Variants in XRCC4 observed in about 807,000 individuals in gnomAD.
XRCC4 encodes DNA repair protein XRCC4.
Under a neutral mutation model 39.1 loss-of-function variants are expected in XRCC4, and 28 were observed. That is an observed-to-expected ratio of 0.72 (90% CI 0.53 to 0.98). The LOEUF (loss-of-function observed/expected upper bound fraction) is 0.98, where lower values mean the gene tolerates loss of function less well. Ranked by LOEUF, XRCC4 falls within the 50% of genes least tolerant of loss-of-function variation. The probability of loss-of-function intolerance (pLI) is 0.00; values close to 1 mark genes in which losing one functional copy is unlikely to be tolerated. For missense variants in XRCC4, 350 were observed against 376.4 expected (o/e 0.93, Z 0.58); for synonymous variants, 123 against 126.4 (o/e 0.97, Z 0.18).
At chr5:83,309,865 A>G (rs1755647405) in intron 7 of XRCC4, among the ~76,000 whole-genome samples, 1 of 152,062 alleles carries the variant, frequency 6.6e-6, no homozygotes, top group Non-Finnish European at 1.5e-5. Context: ...AATAAGTACA[A>G]TGTGAAAGTA....
chr5:83,148,937 A>G (rs554080713), intron 3 of XRCC4, among the ~76,000 whole-genome samples: 227 of 152,328 alleles, frequency 1.5e-3, no homozygotes, highest in Non-Finnish European at 2.1e-3. Flanking sequence ...AGTGTTTAAC[A>G]AACTGTAAGA....
At chr5:83,235,238 G>A (rs1580405280) in intron 6 of XRCC4, among the ~76,000 whole-genome samples, 1 of 151,014 alleles carries the variant, frequency 6.6e-6, no homozygotes, top group Non-Finnish European at 1.5e-5. Flanking sequence ...GGGAGTCTAA[G>A]GAGGGAGGAT....
the XRCC4 span, among the ~76,000 whole-genome samples, chr5:83,371,927 T>C: frequency 7.2e-5 from 11 of 152,164 alleles, no homozygotes; most frequent in Admixed American, 3.9e-4. Context: ...TAAAATGTGC[T>C]AGGACAAGTA....
intron 6 of XRCC4, among the ~76,000 whole-genome samples, chr5:83,253,187 C>T (rs1333500145): frequency 6.6e-6 from 1 of 152,076 alleles, no homozygotes; most frequent in Admixed American, 6.5e-5. Flanking sequence ...GGTATTGTTG[C>T]CCTGCAGCCC....
chr5:83,357,164 G>C (rs965407602), downstream of XRCC4, among the ~76,000 whole-genome samples: 1 of 152,110 alleles, frequency 6.6e-6, no homozygotes, highest in East Asian at 1.9e-4. Context: ...AGGATAAATC[G>C]ATCCTTTCAA....
chr5:83,119,163 T>G (rs961034720), intron 3 of XRCC4, among the ~76,000 whole-genome samples: 4 of 152,306 alleles, frequency 2.6e-5, no homozygotes, highest in Admixed American at 2.0e-4. Flanking sequence ...TGTGTCCCTG[T>G]GGTTTCAGGG....
At chr5:83,151,017 C>A (rs1291204358) in intron 3 of XRCC4, among the ~76,000 whole-genome samples, 2 of 151,790 alleles carry the variant, frequency 1.3e-5, no homozygotes, top group Non-Finnish European at 2.9e-5. Context: ...CTTTCAGGTG[C>A]AAGTTTAAAA....
At chr5:83,347,864 T>TA (rs1276369625) in intron 7 of XRCC4, among the ~76,000 whole-genome samples, 1 of 152,186 alleles carries the variant, frequency 6.6e-6, no homozygotes, top group Non-Finnish European at 1.5e-5. Flanking sequence ...TCTTCCAAGA[T>TA]ACAATGGGAT....
chr5:83,119,337 T>C (rs1008891312), intron 3 of XRCC4, among the ~76,000 whole-genome samples: 17 of 152,220 alleles, frequency 1.1e-4, no homozygotes, highest in Admixed American at 1.1e-3. Flanking sequence ...CATAGTATTC[T>C]TTATTTTGGT....
intron 1 of XRCC4, among the ~76,000 whole-genome samples, chr5:83,080,191 A>T (rs1401542921): frequency 6.6e-6 from 1 of 152,168 alleles, no homozygotes; most frequent in Admixed American, 6.5e-5. Flanking sequence ...TGATTTCTGC[A>T]GTTTCAGTTA....
At chr5:83,110,991 C>G (rs778151871) in intron 2 of XRCC4, 37 bp from the exon 3 acceptor site, 1 of 1,571,090 alleles carries the variant, frequency 6.4e-7, no homozygotes, top group Non-Finnish European at 8.6e-7. Flanking sequence ...TAGTCATTTA[C>G]TTTTCATTTT....
At chr5:83,271,653 AAT>A (rs1335000485) in intron 7 of XRCC4, among the ~76,000 whole-genome samples, 5 of 152,312 alleles carry the variant, frequency 3.3e-5, no homozygotes, top group African/African-American at 1.2e-4. Flanking sequence ...ACTAATATAA[AAT>A]AGAGTCATGT....
chr5:83,243,360 T>C (rs1387459771), intron 6 of XRCC4, among the ~76,000 whole-genome samples: 3 of 152,196 alleles, frequency 2.0e-5, no homozygotes, highest in Non-Finnish European at 4.4e-5. Context: ...AAGTGGAAGA[T>C]GAAGATGTTG....
chr5:83,212,000 T>C (rs1429038346), intron 6 of XRCC4, among the ~76,000 whole-genome samples: 1 of 152,146 alleles, frequency 6.6e-6, no homozygotes, highest in Non-Finnish European at 1.5e-5. Context: ...AAGTAGTCAA[T>C]AGAAAATGTT....
At position 83,218,274 on chromosome 5, in the gene XRCC4, TA is replaced by T. The variant is rs923104623; in HGVS notation, c.745+13356del. ...ATATGCTAATTAATATGCATGGTGA[TA>T]AAGATGGTACATACTCTGCAACATT... On this transcript the variant is annotated intron_variant, in intron 6 of 7. Transcript: ENST00000396027. Among the ~76,000 whole-genome samples the T allele has an allele frequency of 1.2e-4, 17 of 137,338 alleles. 1 individual carries two copies. Among genetic ancestry groups the T allele is most frequent in the Admixed American group, 8.3e-5 (1 of 12,066 alleles). The allele number at this position is 137,338 out of a possible 152,430, so 90.1% of individuals were successfully genotyped here. A position where few individuals can be genotyped will look rare whatever the true frequency, so the allele number is the denominator to read the frequency against.
At position 83,280,232 on chromosome 5, in the gene XRCC4, C is replaced by T. The variant is rs775321506; in HGVS notation, c.893+21555C>T. 4.3e-5 allele frequency: 14 copies of T among 327,364 alleles called. No homozygotes were observed. In the East Asian group the frequency reaches 1.0e-3, roughly 24 times the overall value. The allele number at this position is 327,364 out of a possible 1,614,324, so 20.3% of individuals were successfully genotyped here. On this transcript the variant is annotated intron_variant, in intron 7 of 7. Transcript: ENST00000396027. The stretch of plus-strand genomic sequence containing the variant: ...ACTACTGATGTATATTGCCCCAACA[C>T]AGGTGGAAACCCAATTTCTAATTGT...
rs192266791 is a variant in XRCC4 at position 83,250,763 on chromosome 5, G to A, written c.746-7767G>A. Among the ~76,000 whole-genome samples the A allele has an allele frequency of 2.2e-3, 327 of 152,058 alleles. 1 individual carries two copies. The highest frequency in any genetic ancestry group is 7.4e-3 in the African/African-American group (308 of 41,480). Reference sequence around the variant, plus strand: ...TTCTCTTTTGGAAAATGTACTTCAGGGCCACCTGATTGTAAGGATTATGCT... The same window carrying A: ...TTCTCTTTTGGAAAATGTACTTCAGAGCCACCTGATTGTAAGGATTATGCT... On this transcript the variant is annotated intron_variant, in intron 6 of 7. Coordinates refer to ENST00000396027, the MANE Select transcript of XRCC4 (RefSeq NM_003401.5).
chr5:83,159,630 G>T (rs1305819423), intron 3 of XRCC4, among the ~76,000 whole-genome samples: 1 of 152,130 alleles, frequency 6.6e-6, no homozygotes, highest in Admixed American at 6.6e-5. Context: ...GAAAATATCG[G>T]AATTATTCTG....
At chr5:83,300,546 TTGTGTGTGTGTG>T (rs70973389) in intron 7 of XRCC4, among the ~76,000 whole-genome samples, 3 of 126,990 alleles carry the variant, frequency 2.4e-5, no homozygotes, top group African/African-American at 5.9e-5. Context: ...TATCTTTTGT[TTGTGTGTGTGTG>T]TGTGTGTGTG....
Sources: allele counts gnomAD v4.1 joint callset (sites outside exome capture counted in the v4.1 genomes callset), GRCh38; gene constraint gnomAD v4.1.1; transcripts MANE v1.5; gene names NCBI Gene and HGNC (gene_info 2026-07-23, HGNC 2026-07-21).